ARHGAP18: variants seen among roughly 807,000 people sequenced by gnomAD.
ARHGAP18 encodes the protein rho GTPase-activating protein 18.
A neutral mutation model predicts 86.2 loss-of-function variants in ARHGAP18; 67 were observed. The ratio of observed to expected loss-of-function variants is 0.78; its 90% CI spans 0.64 to 0.95. ARHGAP18 has a LOEUF of 0.95. ARHGAP18 is among the 40% of genes least tolerant of loss of function. ARHGAP18 has a pLI of 0.00. For missense variants in ARHGAP18, 691 were observed against 780.4 expected (o/e 0.89, Z 1.37); for synonymous variants, 283 against 280.4 (o/e 1.01, Z -0.09).
intron 12 of ARHGAP18, among the ~76,000 whole-genome samples, chr6:129,590,137 C>T (rs1788481161): frequency 6.6e-6 from 1 of 152,196 alleles, no homozygotes; most frequent in Non-Finnish European, 1.5e-5. Flanking sequence ...AAATATTAAT[C>T]TTCTTTGGCA....
intron 10 of ARHGAP18, among the ~76,000 whole-genome samples, chr6:129,604,597 T>C (rs1485906799): frequency 6.6e-6 from 1 of 152,148 alleles, no homozygotes; most frequent in Non-Finnish European, 1.5e-5. Context: ...CCCCACTTTG[T>C]CCTGGGCCAT....
intron 1 of ARHGAP18, among the ~76,000 whole-genome samples, chr6:129,664,942 T>C (rs984931773): frequency 2.0e-5 from 3 of 152,202 alleles, no homozygotes; most frequent in Non-Finnish European, 2.9e-5. Flanking sequence ...GGGAAGGGGA[T>C]AGCGGGCAGG....
chr6:129,605,778 A>T (rs1380313745), intron 10 of ARHGAP18, 99 bp downstream of exon 10: 1 of 1,091,786 alleles, frequency 9.2e-7, no homozygotes, highest in African/African-American at 1.6e-5. Flanking sequence ...GACTTTTATG[A>T]CCATGTCCAA....
chr6:129,651,637 C>G (rs1773711786), intron 1 of ARHGAP18, among the ~76,000 whole-genome samples: 1 of 152,138 alleles, frequency 6.6e-6, no homozygotes, highest in Admixed American at 6.5e-5. Context: ...ATGGCCTTTA[C>G]TTCAGGATTG....
At position 129,628,420 on chromosome 6, in the gene ARHGAP18, C is replaced by T. The variant is rs1773088926; in HGVS notation, c.786+933G>A. Among the ~76,000 whole-genome samples, 3 of 152,138 alleles carry T rather than the reference C, an allele frequency of 2.0e-5. No individual in the cohort carries two copies. In the South Asian group the frequency reaches 6.2e-4, roughly 32 times the overall value. On this transcript the variant is annotated intron_variant, in intron 5 of 14. Coordinates refer to ENST00000368149, the MANE Select transcript of ARHGAP18 (RefSeq NM_033515.3). ...CAAAGTTACAAATGGATGGTGAAAC[C>T]ACTGGGCAATAGGCTTTATTGACAT...
chr6:129,618,046 T>C (rs1279396237), intron 6 of ARHGAP18, among the ~76,000 whole-genome samples: 1 of 152,066 alleles, frequency 6.6e-6, no homozygotes, highest in East Asian at 1.9e-4. Flanking sequence ...GAGGTATCTG[T>C]TCTCTATTAT....
intron 1 of ARHGAP18, among the ~76,000 whole-genome samples, chr6:129,675,690 G>C (rs931477159): frequency 1.3e-5 from 2 of 152,148 alleles, no homozygotes; most frequent in African/African-American, 2.4e-5. Flanking sequence ...CCAGCCCTAA[G>C]ACATTATGAG....
In ARHGAP18 at chr6:129,591,082, A is replaced by C. The variant is rs370640282; in HGVS notation, c.1714-6970T>G. ...AAGATGATAAACAATAAATTATGCC[A>C]AAGCCATCATTTAAATGGTGTATGA... On this transcript the variant is annotated intron_variant, in intron 12 of 14. Transcript: ENST00000368149. 4.6e-5 allele frequency among the ~76,000 whole-genome samples: 7 copies of C among 152,350 alleles called. No homozygotes were observed. The East Asian group carries it at 7.7e-4, about 17-fold the overall frequency.
chr6:129,624,989 T>TGA (rs1562695892), intron 5 of ARHGAP18, among the ~76,000 whole-genome samples: 39 of 109,782 alleles, frequency 3.6e-4, no homozygotes, highest in Non-Finnish European at 5.2e-4. Context: ...ATAATATATA[T>TGA]TATATATGAT....
At chr6:129,690,426 T>G (rs754099953) in intron 1 of ARHGAP18, among the ~76,000 whole-genome samples, 3 of 152,186 alleles carry the variant, frequency 2.0e-5, no homozygotes, top group Non-Finnish European at 2.9e-5. Context: ...AACATATAAC[T>G]TCTCCAAATG....
intron 5 of ARHGAP18, among the ~76,000 whole-genome samples, chr6:129,625,168 A>C (rs1789346384): frequency 1.8e-5 from 1 of 56,250 alleles, no homozygotes; most frequent in South Asian, 5.0e-4. Flanking sequence ...TATATATTAT[A>C]TATGATATAT....
At chr6:129,631,683 T>C (rs1773214653) in intron 4 of ARHGAP18, among the ~76,000 whole-genome samples, 2 of 152,040 alleles carry the variant, frequency 1.3e-5, no homozygotes. Context: ...CTTAAGTTTT[T>C]CAGTTGTCCA....
In ARHGAP18 at chr6:129,644,605, C is replaced by T. The variant is rs1037755453; in HGVS notation, c.114-2587G>A. Among the ~76,000 whole-genome samples the T allele has an allele frequency of 5.6e-4, 85 of 152,266 alleles. 1 individual carries two copies. The highest frequency in any genetic ancestry group is 3.9e-4 in the East Asian group (2 of 5,182). Reference sequence around the variant, plus strand: ...TTCTGTCTCCTTTAACTCTTACCCCCCTGTGAGACCACAATAAGTACTGTA... The same window carrying T: ...TTCTGTCTCCTTTAACTCTTACCCCTCTGTGAGACCACAATAAGTACTGTA... On this transcript the variant is annotated intron_variant, in intron 1 of 14. Transcript: ENST00000368149.
At chr6:129,650,763 T>C (rs2114508990) in intron 1 of ARHGAP18, among the ~76,000 whole-genome samples, 1 of 152,328 alleles carries the variant, frequency 6.6e-6, no homozygotes, top group Admixed American at 6.5e-5. Flanking sequence ...CTTTTTCTTG[T>C]TCTGCCCAGC....
intron 5 of ARHGAP18, among the ~76,000 whole-genome samples, chr6:129,622,274 T>C (rs1584055791): frequency 6.6e-6 from 1 of 152,240 alleles, no homozygotes; most frequent in East Asian, 1.9e-4. Flanking sequence ...ATTTTTCCCA[T>C]GTTTGGTCCT....
chr6:129,579,906 A>G (rs1788252193), intron 14 of ARHGAP18, among the ~76,000 whole-genome samples, 164 bp downstream of exon 14: 1 of 152,230 alleles, frequency 6.6e-6, no homozygotes, highest in Admixed American at 6.5e-5. Context: ...CAGAGCCTGA[A>G]GAGAAAGGTC....
At chr6:129,703,699 A>G (rs1774754891) in intron 1 of ARHGAP18, among the ~76,000 whole-genome samples, 1 of 152,244 alleles carries the variant, frequency 6.6e-6, no homozygotes, top group East Asian at 1.9e-4. Context: ...ACCGGGTGCA[A>G]CCTCTAATAA....
At chr6:129,608,975 G>A (rs1376512539) in intron 8 of ARHGAP18, among the ~76,000 whole-genome samples, 1 of 150,900 alleles carries the variant, frequency 6.6e-6, no homozygotes, top group Non-Finnish European at 1.5e-5. Context: ...ATAGAGAGGA[G>A]GGAAGAGGGA....
intron 5 of ARHGAP18, among the ~76,000 whole-genome samples, chr6:129,626,102 A>ACG (rs1789463945): frequency 7.3e-6 from 1 of 137,648 alleles, no homozygotes; most frequent in Non-Finnish European, 1.6e-5. Flanking sequence ...ACACACACAC[A>ACG]CACATATATA....
Sources: allele counts gnomAD v4.1 joint callset (sites outside exome capture counted in the v4.1 genomes callset), GRCh38; gene constraint gnomAD v4.1.1; transcripts MANE v1.5; gene names NCBI Gene and HGNC (gene_info 2026-07-23, HGNC 2026-07-21).